The following ASTN2 variants were observed in gnomAD, a reference collection of about 807,000 sequenced individuals.
ASTN2 encodes astrotactin 2.
A neutral mutation model predicts 139.8 loss-of-function variants in ASTN2; 54 were observed. The observed-to-expected ratio is 0.39, with a 90% CI of 0.31 to 0.48. The LOEUF (loss-of-function observed/expected upper bound fraction) is 0.48, where lower values mean the gene tolerates loss of function less well. ASTN2 is among the 20% of genes least tolerant of loss of function. The pLI is 0.95. For missense variants in ASTN2, 1,565 were observed against 1,725.1 expected (o/e 0.91, Z 1.64); for synonymous variants, 756 against 719.5 (o/e 1.05, Z -0.81).
chr9:117,060,410 GAA>G (rs1386915822), intron 5 of ASTN2, among the ~76,000 whole-genome samples: 7,722 of 51,414 alleles, frequency 0.15, 609 homozygotes, highest in Middle Eastern at 0.19. Context: ...AAGAAAGAAA[GAA>G]GGAAAGGAAG....
At chr9:117,083,968 C>G (rs57032359) in intron 5 of ASTN2, among the ~76,000 whole-genome samples, 2 of 151,152 alleles carry the variant, frequency 1.3e-5, no homozygotes, top group Non-Finnish European at 2.9e-5. Flanking sequence ...TTCAAGGAAC[C>G]CTCATTTGCC....
intron 19 of ASTN2, among the ~76,000 whole-genome samples, chr9:116,539,905 A>T (rs1469326393): frequency 6.6e-6 from 1 of 152,260 alleles, no homozygotes; most frequent in Non-Finnish European, 1.5e-5. Flanking sequence ...TAAAAATATA[A>T]TCAGAATAAA....
Position 117,370,016 on chromosome 9 carries a change from G to C in ASTN2, c.442+44481C>G, listed in dbSNP as rs539435507. ...ACAAGCGATGAGCGGGAAGCTACAG[G>C]TTGGCCCTAAGTCCAGGTATATTAC... On this transcript the variant is annotated intron_variant, in intron 1 of 22. Transcript: ENST00000313400. Among the ~76,000 whole-genome samples the C allele has an allele frequency of 5.3e-5, 8 of 152,166 alleles. No homozygotes were observed. The South Asian group carries it at 1.5e-3, about 28-fold the overall frequency.
chr9:116,869,364 G>A (rs1479603708), intron 10 of ASTN2, among the ~76,000 whole-genome samples: 1 of 152,158 alleles, frequency 6.6e-6, no homozygotes. Flanking sequence ...ACAGGGCACA[G>A]GGGAATGTGC....
At chr9:116,607,200 G>C (rs774695209) in intron 19 of ASTN2, among the ~76,000 whole-genome samples, 1 of 152,140 alleles carries the variant, frequency 6.6e-6, no homozygotes, top group Non-Finnish European at 1.5e-5. Flanking sequence ...ATGCAGAGTC[G>C]AAAAGTTAAG....
At chr9:116,740,673 C>G (rs1414898336) in intron 13 of ASTN2, among the ~76,000 whole-genome samples, 2 of 151,820 alleles carry the variant, frequency 1.3e-5, no homozygotes, top group Admixed American at 6.6e-5. Context: ...CCACCACGCT[C>G]TGCTAATTTT....
At chr9:117,311,144 C>T (rs890012713) in intron 1 of ASTN2, among the ~76,000 whole-genome samples, 16 of 151,514 alleles carry the variant, frequency 1.1e-4, no homozygotes, top group African/African-American at 3.9e-4. Context: ...CAGGGCTGCT[C>T]CAAGCTTAAT....
In ASTN2 at chr9:116,442,363, G is replaced by A. The variant is rs111811044; in HGVS notation, c.3598+90C>T. On this transcript the variant is annotated intron_variant, in intron 21 of 22. Coordinates refer to ENST00000313400, the MANE Select transcript of ASTN2 (RefSeq NM_001365068.1). ...CCTGTGCCAGTGTGTCAGGGTGTGC[G>A]TGTGTGTGTTTAATGATTAGTGACT... is the stretch of plus-strand genomic sequence containing the variant. 2.8e-4 allele frequency: 272 copies of A among 976,008 alleles called. 1 individual carries two copies. In the African/African-American group the frequency reaches 3.3e-3, roughly 12 times the overall value. The allele number at this position is 976,008 out of a possible 1,614,324, so 60.5% of individuals were successfully genotyped here.
intron 6 of ASTN2, among the ~76,000 whole-genome samples, chr9:117,018,096 T>A (rs923914569): frequency 1.1e-4 from 16 of 152,092 alleles, no homozygotes; most frequent in African/African-American, 3.9e-4. Flanking sequence ...TGAGGGACCC[T>A]ACTTGAAGAC....
chr9:116,600,323 CAAAAAAAAAAAAAAAA>C (rs35224783), intron 19 of ASTN2, among the ~76,000 whole-genome samples: 1 of 118,992 alleles, frequency 8.4e-6, no homozygotes, highest in Non-Finnish European at 1.8e-5. Flanking sequence ...GACCCTGTCT[CAAAAAAAAAAAAAAAA>C]AAAAAAAAGA....
At chr9:117,262,848 G>T (rs891645375) in intron 2 of ASTN2, among the ~76,000 whole-genome samples, 1 of 152,080 alleles carries the variant, frequency 6.6e-6, no homozygotes, top group African/African-American at 2.4e-5. Context: ...GGAGTGTTGT[G>T]GTGTGAGAAG....
intron 13 of ASTN2, among the ~76,000 whole-genome samples, chr9:116,790,398 G>A (rs1830498386): frequency 6.6e-6 from 1 of 152,032 alleles, no homozygotes; most frequent in Admixed American, 6.5e-5. Context: ...AGCCTTTCCT[G>A]TTGGAATGTC....
intron 11 of ASTN2, among the ~76,000 whole-genome samples, chr9:116,859,775 T>C (rs1832830419): frequency 6.6e-6 from 1 of 152,224 alleles, no homozygotes; most frequent in Non-Finnish European, 1.5e-5. Flanking sequence ...TGGGCGTCAC[T>C]TGCTATATAG....
At chr9:117,240,548 C>T (rs1409118052) in intron 2 of ASTN2, among the ~76,000 whole-genome samples, 2 of 152,116 alleles carry the variant, frequency 1.3e-5, no homozygotes, top group African/African-American at 2.4e-5. Context: ...TAGGGAGGTA[C>T]CACAAAGCCA....
chr9:117,063,380 G>A (rs1415371360), intron 5 of ASTN2, among the ~76,000 whole-genome samples: 2 of 152,242 alleles, frequency 1.3e-5, no homozygotes, highest in Non-Finnish European at 2.9e-5. Context: ...TGAATCACGG[G>A]GGTGATTTCT....
chr9:116,803,249 AG>A (rs1330017551), intron 13 of ASTN2, among the ~76,000 whole-genome samples: 1 of 151,406 alleles, frequency 6.6e-6, no homozygotes, highest in Non-Finnish European at 1.5e-5. Context: ...GTAGAATCTC[AG>A]CATTGAACTG....
At chr9:117,319,031 T>C (rs1828236348) in intron 1 of ASTN2, among the ~76,000 whole-genome samples, 1 of 152,210 alleles carries the variant, frequency 6.6e-6, no homozygotes, top group Non-Finnish European at 1.5e-5. Flanking sequence ...TGAGGACTCC[T>C]GGGAAAAATT....
At chr9:116,474,364 C>T (rs1848911798) in intron 20 of ASTN2, among the ~76,000 whole-genome samples, 1 of 152,168 alleles carries the variant, frequency 6.6e-6, no homozygotes. Context: ...GTGGTGTTTG[C>T]AGTCTCACTA....
intron 17 of ASTN2, among the ~76,000 whole-genome samples, chr9:116,623,637 G>C (rs1856287655): frequency 6.6e-6 from 1 of 152,180 alleles, no homozygotes; most frequent in African/African-American, 2.4e-5. Context: ...CAGTGACCCA[G>C]AGATGCTAGT....
Sources: allele counts gnomAD v4.1 joint callset (sites outside exome capture counted in the v4.1 genomes callset), GRCh38; gene constraint gnomAD v4.1.1; transcripts MANE v1.5; gene names NCBI Gene and HGNC (gene_info 2026-07-23, HGNC 2026-07-21).